AHCTF1: variants seen among roughly 807,000 people sequenced by gnomAD.
AHCTF1 encodes AT-hook containing transcription factor 1, also known as protein ELYS.
A neutral mutation model predicts 248.4 loss-of-function variants in AHCTF1; 24 were observed. That is an observed-to-expected ratio of 0.10 (90% CI 0.07 to 0.14). The LOEUF is 0.14. Ranked by LOEUF, AHCTF1 falls within the 10% of genes least tolerant of loss-of-function variation. The probability of loss-of-function intolerance (pLI) is 1.00; values close to 1 mark genes in which losing one functional copy is unlikely to be tolerated. For synonymous variants in AHCTF1, 786 were observed against 929.8 expected (o/e 0.85, Z 2.81); for missense variants, 2,206 against 2,636.2 (o/e 0.84, Z 3.57).
chr1:246,900,680 G>A (rs1056491845), intron 8 of AHCTF1, among the ~76,000 whole-genome samples: 3 of 152,186 alleles, frequency 2.0e-5, no homozygotes, highest in African/African-American at 7.2e-5. Flanking sequence ...TTATTAAAAA[G>A]TAGTCACTCA....
chr1:246,892,300 A>AC (rs1664259534), intron 14 of AHCTF1, among the ~76,000 whole-genome samples: 1 of 76,728 alleles, frequency 1.3e-5, no homozygotes, highest in East Asian at 4.1e-4. Context: ...AATTTGTTTT[A>AC]CTTTTTTTTT....
chr1:246,845,700 TTTC>T (rs757227077), intron 33 of AHCTF1, among the ~76,000 whole-genome samples: 3 of 152,196 alleles, frequency 2.0e-5, no homozygotes, highest in African/African-American at 4.8e-5. Context: ...CAGATGAGAC[TTTC>T]TTGAGTGTAT....
At chr1:246,869,544 A>ATGACTT (rs1193917939) in intron 24 of AHCTF1, among the ~76,000 whole-genome samples, 17 of 152,208 alleles carry the variant, frequency 1.1e-4, no homozygotes, top group African/African-American at 4.1e-4. Context: ...AATGTAGCTG[A>ATGACTT]TGACTTTAAA....
intron 1 of AHCTF1, among the ~76,000 whole-genome samples, 195 bp from the exon 2 acceptor site, chr1:246,918,572 G>A (rs923088819): frequency 1.3e-5 from 2 of 152,366 alleles, no homozygotes; most frequent in South Asian, 2.1e-4. Context: ...TGAGGCAGGC[G>A]GATGAACTGA....
intron 21 of AHCTF1, among the ~76,000 whole-genome samples, chr1:246,880,181 G>A (rs1663290832): frequency 6.6e-6 from 1 of 151,648 alleles, no homozygotes; most frequent in African/African-American, 2.4e-5. Flanking sequence ...CTTAAACACT[G>A]AAGCATGTAA....
intron 32 of AHCTF1, among the ~76,000 whole-genome samples, chr1:246,852,778 G>A (rs946896306): frequency 7.9e-5 from 12 of 151,696 alleles, no homozygotes; most frequent in Admixed American, 1.3e-4. Context: ...TTTTCCCTGA[G>A]ACAGGATTTT....
intron 33 of AHCTF1, 78 bp from the exon 34 acceptor site, chr1:246,844,006 A>T (rs939945818): frequency 1.9e-6 from 2 of 1,053,116 alleles, no homozygotes; most frequent in Non-Finnish European, 2.5e-6. Flanking sequence ...AACCTGGAAC[A>T]AATTATGTGT....
chr1:246,870,811 T>C (rs547338108), intron 24 of AHCTF1, among the ~76,000 whole-genome samples: 1 of 150,604 alleles, frequency 6.6e-6, no homozygotes, highest in East Asian at 2.0e-4. Flanking sequence ...GTGTATCAAA[T>C]ACCTCCTCCT....
chr1:246,931,568 T>G lies in AHCTF1; in HGVS notation c.-8+10A>C, dbSNP rs1230584382. 2.7e-5 allele frequency: 5 copies of G among 181,960 alleles called. No homozygotes were observed. The highest frequency in any genetic ancestry group is 5.0e-5 in the Non-Finnish European group (5 of 100,638). The allele number at this position is 181,960 out of a possible 1,614,324, so 11.3% of individuals were successfully genotyped here. ...GCGCGGGCCCAACCCCCTCCCTCCCTTCCCCCTACCTGAACGGGGCGGGTG... is the reference window on the plus strand; with the variant it reads ...GCGCGGGCCCAACCCCCTCCCTCCCGTCCCCCTACCTGAACGGGGCGGGTG... On this transcript the variant is annotated intron_variant, in intron 1 of 35. Transcript: ENST00000648844.
At position 246,888,147 on chromosome 1, in the gene AHCTF1, T is replaced by C. The variant is rs1051241050; in HGVS notation, c.2325+30A>G. The C allele has an allele frequency of 3.1e-6, 5 of 1,606,806 alleles. No individual in the cohort carries two copies. The African/African-American group carries it at 4.0e-5, about 13-fold the overall frequency. On this transcript the variant is annotated intron_variant, in intron 19 of 35. Coordinates refer to ENST00000648844, the MANE Select transcript of AHCTF1 (RefSeq NM_001323342.2). ...GAAATTTTATAATTTTAGTAATACA[T>C]GAAACACTGGATAAAACTTAAAAGG...
intron 24 of AHCTF1, among the ~76,000 whole-genome samples, chr1:246,872,416 T>G (rs1487443901): frequency 6.6e-6 from 1 of 152,142 alleles, no homozygotes; most frequent in African/African-American, 2.4e-5. Flanking sequence ...GATACACCCT[T>G]GTCACACACA....
chr1:246,887,265 C>G lies in AHCTF1; in HGVS notation c.2418G>C (p.Trp806Cys). ...ESFPTVFAIS[W>C]GQVKLIQGFW... ...ACCCCTGAATAAGTTTAACTTGGCC[C>G]CAAGAAATGGCAAATACAGTTGGGA... The change falls in exon 20 of 36, where the codon TGG becomes TGC. Residue 806 changes from tryptophan to cysteine, a missense_variant. Transcript: ENST00000648844. 2 of 1,613,162 alleles carry G rather than the reference C, an allele frequency of 1.2e-6. No individual in the cohort carries two copies. The highest frequency in any genetic ancestry group is 1.7e-6 in the Non-Finnish European group (2 of 1,179,608).
At chr1:246,931,462 C>CCGCCG in intron 1 of AHCTF1, 116 bp downstream of exon 1, 12 of 1,049,742 alleles carry the variant, frequency 1.1e-5, no homozygotes, top group Non-Finnish European at 1.4e-5. Flanking sequence ...AGGCCCGGCG[C>CCGCCG]TCGCGGGGCA....
At chr1:246,847,309 A>C (rs75328986) in intron 33 of AHCTF1, among the ~76,000 whole-genome samples, 7 of 150,938 alleles carry the variant, frequency 4.6e-5, no homozygotes, top group African/African-American at 1.7e-4. Flanking sequence ...AAACAAACAA[A>C]AAAAAAACTG....
At chr1:246,858,244 C>A (rs1453404621) in intron 29 of AHCTF1, among the ~76,000 whole-genome samples, 2 of 152,136 alleles carry the variant, frequency 1.3e-5, no homozygotes, top group African/African-American at 4.8e-5. Flanking sequence ...CAGGCATGAG[C>A]CACTGCACCC....
intron 32 of AHCTF1, among the ~76,000 whole-genome samples, chr1:246,852,613 G>A: frequency 6.6e-6 from 1 of 152,172 alleles, no homozygotes; most frequent in South Asian, 2.1e-4. Flanking sequence ...TGTCAATCCT[G>A]TGTAACTGTA....
chr1:246,900,288 A>G, intron 9 of AHCTF1, 42 bp from the exon 10 acceptor site: 1 of 1,585,686 alleles, frequency 6.3e-7, no homozygotes, highest in Middle Eastern at 1.7e-4. Flanking sequence ...TTGGTCAGCT[A>G]CACATACAAA....
At chr1:246,889,710 G>A (rs2103135205) in intron 17 of AHCTF1, among the ~76,000 whole-genome samples, 1 of 152,306 alleles carries the variant, frequency 6.6e-6, no homozygotes, top group Non-Finnish European at 1.5e-5. Context: ...ACTCGAGGAA[G>A]ACGACTATTT....
chr1:246,891,935 G>A lies in AHCTF1; in HGVS notation c.1805-16C>T. ...AATGGCACACCTTTCAAGAATAAAAGAAAAGATAAGTTTCCATACAGTAAA... is the reference window on the plus strand; with the variant it reads ...AATGGCACACCTTTCAAGAATAAAAAAAAAGATAAGTTTCCATACAGTAAA... On this transcript the variant is annotated splice_polypyrimidine_tract_variant and intron_variant, in intron 14 of 35. Transcript: ENST00000648844. 1 of 1,569,830 alleles carries A rather than the reference G, an allele frequency of 6.4e-7. No individual in the cohort carries two copies. Among genetic ancestry groups the A allele is most frequent in the South Asian group, 1.2e-5 (1 of 83,032 alleles).
Sources: gnomAD v4.1 joint callset for allele counts (sites outside exome capture counted in the v4.1 genomes callset) on GRCh38, gnomAD v4.1.1 for gene constraint, MANE v1.5 for transcripts, NCBI Gene and HGNC (gene_info 2026-07-23, HGNC 2026-07-21) for gene names.